TIAM1: variants seen among roughly 807,000 people sequenced by gnomAD.
The protein encoded by TIAM1 is rho guanine nucleotide exchange factor TIAM1.
TIAM1 carries 65 observed loss-of-function variants against 163.5 expected under a neutral mutation model. That is an observed-to-expected ratio of 0.40 (90% CI 0.33 to 0.49). The LOEUF is 0.49. Ranked by LOEUF, TIAM1 falls within the 20% of genes least tolerant of loss-of-function variation. TIAM1 has a pLI of 0.77. For missense variants in TIAM1, 1,789 were observed against 2,044.7 expected (o/e 0.87, Z 2.41); for synonymous variants, 833 against 810.1 (o/e 1.03, Z -0.48).
At chr21:31,296,482 T>C (rs2074271053) in intron 2 of TIAM1, among the ~76,000 whole-genome samples, 1 of 152,174 alleles carries the variant, frequency 6.6e-6, no homozygotes, top group Non-Finnish European at 1.5e-5. Context: ...AAATACATAA[T>C]TTTTAAAACT....
chr21:31,402,290 G>GTA (rs1211361831), intron 2 of TIAM1, among the ~76,000 whole-genome samples: 2 of 152,150 alleles, frequency 1.3e-5, no homozygotes, highest in East Asian at 1.9e-4. Flanking sequence ...AGGTCAGGTA[G>GTA]TATTGGACTA....
At chr21:31,126,336 A>G (rs1187686886) in intron 26 of TIAM1, among the ~76,000 whole-genome samples, 1 of 152,132 alleles carries the variant, frequency 6.6e-6, no homozygotes, top group East Asian at 1.9e-4. Flanking sequence ...TGGCAGGCCG[A>G]GGCAGGCAGA....
At chr21:31,431,185 A>G (rs533140567) in intron 2 of TIAM1, among the ~76,000 whole-genome samples, 135 of 152,304 alleles carry the variant, frequency 8.9e-4, no homozygotes, top group African/African-American at 3.0e-3. Flanking sequence ...AACTTGGCTC[A>G]TCTGAAGACC....
chr21:31,447,747 C>T (rs972347248), intron 2 of TIAM1, among the ~76,000 whole-genome samples: 3 of 152,096 alleles, frequency 2.0e-5, no homozygotes, highest in Non-Finnish European at 4.4e-5. Flanking sequence ...TTGTACTAGT[C>T]AGGGTTCTCA....
At chr21:31,208,991 T>C (rs552068836) in intron 11 of TIAM1, among the ~76,000 whole-genome samples, 1 of 152,096 alleles carries the variant, frequency 6.6e-6, no homozygotes, top group Non-Finnish European at 1.5e-5. Flanking sequence ...ACCAATTCAC[T>C]CCCCTAAGAA....
chr21:31,118,508 A>G lies in TIAM1; in HGVS notation c.*1860T>C, dbSNP rs1568849267. 2.2e-6 allele frequency: 1 copy of G among 451,604 alleles called. No homozygotes were observed. Among genetic ancestry groups the G allele is most frequent in the Non-Finnish European group, 4.5e-6 (1 of 221,738 alleles). The allele number at this position is 451,604 out of a possible 1,614,324, so 28.0% of individuals were successfully genotyped here. A position where few individuals can be genotyped will look rare whatever the true frequency, so the allele number is the denominator to read the frequency against. ...AAAAATAGACCTTCTTTCAGCTTAT[A>G]AAAGAAATATATAAGAACTTTTGAC... On this transcript the variant is annotated 3_prime_UTR_variant, in exon 28 of 28. Coordinates refer to ENST00000541036, the MANE Select transcript of TIAM1 (RefSeq NM_001353694.2).
At chr21:31,449,076 C>T (rs1179930162) in intron 2 of TIAM1, among the ~76,000 whole-genome samples, 1 of 152,038 alleles carries the variant, frequency 6.6e-6, no homozygotes, top group Non-Finnish European at 1.5e-5. Context: ...GTGATCCTCC[C>T]ACCTCAGCCT....
At chr21:31,234,550 G>A (rs1262023955) in intron 6 of TIAM1, among the ~76,000 whole-genome samples, 1 of 152,142 alleles carries the variant, frequency 6.6e-6, no homozygotes, top group Non-Finnish European at 1.5e-5. Context: ...GGAGGCTGAG[G>A]CAGGTGGATC....
intron 2 of TIAM1, among the ~76,000 whole-genome samples, chr21:31,315,285 C>T (rs1229835057): frequency 1.3e-5 from 2 of 151,976 alleles, no homozygotes; most frequent in Non-Finnish European, 2.9e-5. Flanking sequence ...GAGGCCGAAG[C>T]GGGCAGATCA....
intron 1 of TIAM1, among the ~76,000 whole-genome samples, chr21:31,501,999 T>A (rs993432861): frequency 1.3e-5 from 2 of 152,212 alleles, no homozygotes; most frequent in Admixed American, 1.3e-4. Flanking sequence ...GGGAATTTAA[T>A]CAGGGTAAGA....
intron 5 of TIAM1, among the ~76,000 whole-genome samples, chr21:31,246,587 TC>T (rs1307835284): frequency 6.6e-6 from 1 of 152,198 alleles, no homozygotes; most frequent in Non-Finnish European, 1.5e-5. Flanking sequence ...GTGCCACACT[TC>T]CTGTGAACTG....
At chr21:31,143,232 G>A (rs932063432) in intron 20 of TIAM1, among the ~76,000 whole-genome samples, 1 of 152,100 alleles carries the variant, frequency 6.6e-6, no homozygotes, top group African/African-American at 2.4e-5. Context: ...ATTGGAAAAA[G>A]CACATTCTTC....
intron 2 of TIAM1, among the ~76,000 whole-genome samples, chr21:31,369,634 T>A (rs7282641): frequency 0.19 from 29,035 of 152,144 alleles, 3,340 homozygotes; most frequent in East Asian, 0.36. Context: ...GATTTGATCA[T>A]CACACATTGT....
At chr21:31,447,839 T>C (rs2044685241) in intron 2 of TIAM1, among the ~76,000 whole-genome samples, 1 of 152,152 alleles carries the variant, frequency 6.6e-6, no homozygotes, top group South Asian at 2.1e-4. Context: ...TTATAAGGAA[T>C]TGGCTCGTGT....
At chr21:31,193,818 C>A (rs573629737) in intron 13 of TIAM1, among the ~76,000 whole-genome samples, 2 of 152,190 alleles carry the variant, frequency 1.3e-5, no homozygotes, top group South Asian at 4.1e-4. Context: ...GAAAAGCTAG[C>A]TGGGACTAAG....
intron 23 of TIAM1, 114 bp from the exon 24 acceptor site, chr21:31,131,062 A>G: frequency 1.3e-6 from 1 of 795,138 alleles, no homozygotes; most frequent in Non-Finnish European, 2.1e-6. Context: ...TTGAGATCCC[A>G]GTTAACTGAC....
At chr21:31,419,338 A>C (rs1401297110) in intron 2 of TIAM1, among the ~76,000 whole-genome samples, 3 of 152,364 alleles carry the variant, frequency 2.0e-5, no homozygotes, top group Admixed American at 6.5e-5. Flanking sequence ...ATCATTAAAC[A>C]ATAGAGTGAT....
At chr21:31,286,950 A>T (rs2073833097) in intron 2 of TIAM1, among the ~76,000 whole-genome samples, 1 of 152,186 alleles carries the variant, frequency 6.6e-6, no homozygotes, top group Non-Finnish European at 1.5e-5. Flanking sequence ...AATGGAAAAA[A>T]AAAATGACCT....
At chr21:31,452,811 G>A in intron 2 of TIAM1, 1 of 532,198 alleles carries the variant, frequency 1.9e-6, no homozygotes, top group South Asian at 1.4e-5. Context: ...GAGTGAGCAG[G>A]AAGAGGAGCT....
Sources: allele counts gnomAD v4.1 joint callset (sites outside exome capture counted in the v4.1 genomes callset), GRCh38; gene constraint gnomAD v4.1.1; transcripts MANE v1.5; gene names NCBI Gene and HGNC (gene_info 2026-07-23, HGNC 2026-07-21).